The following MCTP2 variants were observed in gnomAD, a reference collection of about 807,000 sequenced individuals.
MCTP2 encodes multiple C2 and transmembrane domain-containing protein 2.
In MCTP2, 132 loss-of-function variants were observed where a neutral mutation model predicts 111.6. The ratio of observed to expected loss-of-function variants is 1.18; its 90% CI spans 1.03 to 1.37. The LOEUF (loss-of-function observed/expected upper bound fraction) is 1.37, where lower values mean the gene tolerates loss of function less well. Among genes scored for constraint, MCTP2 ranks in the 40% most tolerant of loss-of-function variants. MCTP2 has a pLI of 0.00. For missense variants in MCTP2, 1,183 were observed against 1,067.9 expected, an observed-to-expected ratio of 1.11 and a Z score of -1.50; for synonymous variants, 395 against 387.7, an observed-to-expected ratio of 1.02 and a Z score of -0.22.
intron 12 of MCTP2, among the ~76,000 whole-genome samples, chr15:94,383,606 G>A (rs1462563602): frequency 6.6e-6 from 1 of 152,204 alleles, no homozygotes; most frequent in Non-Finnish European, 1.5e-5. Flanking sequence ...AAGAGAATGA[G>A]AGCCAAGTGA....
intron 17 of MCTP2, among the ~76,000 whole-genome samples, chr15:94,411,611 C>T (rs1294359951): frequency 5.3e-5 from 8 of 152,108 alleles, no homozygotes; most frequent in Non-Finnish European, 1.0e-4. Flanking sequence ...GTACTTTTGC[C>T]ATTTGATTTA....
chr15:94,436,683 C>T (rs1434390247), intron 17 of MCTP2, among the ~76,000 whole-genome samples: 2 of 152,112 alleles, frequency 1.3e-5, no homozygotes, highest in Admixed American at 6.5e-5. Flanking sequence ...TTTTCAAAGA[C>T]ATACATAGTT....
At chr15:94,297,335 C>T (rs1365778549) in intron 1 of MCTP2, among the ~76,000 whole-genome samples, 3 of 152,206 alleles carry the variant, frequency 2.0e-5, no homozygotes, top group Non-Finnish European at 4.4e-5. Flanking sequence ...CCTTATCCCT[C>T]ATAACCAACT....
intron 20 of MCTP2, among the ~76,000 whole-genome samples, chr15:94,469,821 A>C (rs898777958): frequency 6.6e-6 from 1 of 152,050 alleles, no homozygotes; most frequent in Non-Finnish European, 1.5e-5. Flanking sequence ...GCAGTGAGCT[A>C]TGACTGCATC....
At chr15:94,403,663 C>T (rs116570985) in intron 17 of MCTP2, among the ~76,000 whole-genome samples, 2,077 of 152,242 alleles carry the variant, frequency 0.014, 54 homozygotes, top group African/African-American at 0.046. Flanking sequence ...ATAGAGGGGA[C>T]TTCTAAACAG....
chr15:94,407,216 T>C (rs1355487089), intron 17 of MCTP2, among the ~76,000 whole-genome samples: 1 of 152,222 alleles, frequency 6.6e-6, no homozygotes, highest in African/African-American at 2.4e-5. Flanking sequence ...TTTTCATATG[T>C]TAAAATATTA....
At chr15:94,466,992 T>C (rs1212442127) in intron 20 of MCTP2, among the ~76,000 whole-genome samples, 3 of 152,228 alleles carry the variant, frequency 2.0e-5, no homozygotes, top group Non-Finnish European at 4.4e-5. Context: ...TTGTGTGTTT[T>C]GTGCAATAAC....
At chr15:94,285,722 A>G (rs1311338130) in intron 1 of MCTP2, among the ~76,000 whole-genome samples, 2 of 152,126 alleles carry the variant, frequency 1.3e-5, no homozygotes, top group African/African-American at 4.8e-5. Context: ...AAACTTCTCC[A>G]AGCACACTAT....
At chr15:94,308,441 G>A (rs1000632613) in intron 2 of MCTP2, among the ~76,000 whole-genome samples, 6 of 152,300 alleles carry the variant, frequency 3.9e-5, no homozygotes, top group Admixed American at 3.3e-4. Context: ...GTGCTCTCCA[G>A]GGCCGAACTC....
At chr15:94,381,733 G>A (rs934432080) in intron 12 of MCTP2, among the ~76,000 whole-genome samples, 2 of 152,200 alleles carry the variant, frequency 1.3e-5, no homozygotes, top group African/African-American at 4.8e-5. Flanking sequence ...TGGTATACCT[G>A]AGCATTAAGC....
chr15:94,251,919 A>G (rs2152268779), intron 1 of MCTP2, among the ~76,000 whole-genome samples: 1 of 152,308 alleles, frequency 6.6e-6, no homozygotes, highest in South Asian at 2.1e-4. Flanking sequence ...TATTTCCCGT[A>G]GCATAATGTC....
At chr15:94,468,839 G>A (rs543780439) in intron 20 of MCTP2, among the ~76,000 whole-genome samples, 42 of 152,204 alleles carry the variant, frequency 2.8e-4, no homozygotes, top group African/African-American at 1.0e-3. Context: ...TGTTGACCAG[G>A]CTGGTCTTGA....
rs1429757623 is a variant in MCTP2 at position 94,421,645 on chromosome 15, ACT to A, written c.2086-18528_2086-18527del. On this transcript the variant is annotated intron_variant, in intron 17 of 22. Transcript: ENST00000357742. ...GATCGTTGAGTTCTCCTGTCACATC[ACT>A]CTGACCTTGTTTCTGCCCTCATGTC... Among the ~76,000 whole-genome samples, 6 of 151,764 alleles carry A rather than the reference ACT, an allele frequency of 4.0e-5. No individual in the cohort carries two copies. The East Asian group carries it at 7.7e-4, about 20-fold the overall frequency.
chr15:94,440,321 G>A (rs1353502059), intron 18 of MCTP2, 23 bp downstream of exon 18: 3 of 1,612,562 alleles, frequency 1.9e-6, no homozygotes, highest in Non-Finnish European at 2.5e-6. Context: ...TCGGAGTTCT[G>A]ACATTTGACT....
At chr15:94,468,141 C>T (rs1025927383) in intron 20 of MCTP2, among the ~76,000 whole-genome samples, 1 of 152,130 alleles carries the variant, frequency 6.6e-6, no homozygotes, top group Non-Finnish European at 1.5e-5. Context: ...GATTTTTCTA[C>T]TATCCAAACT....
chr15:94,245,487 CATGT>C (rs1402539493), intron 1 of MCTP2, among the ~76,000 whole-genome samples: 3 of 136,578 alleles, frequency 2.2e-5, no homozygotes, highest in South Asian at 4.5e-4. Flanking sequence ...TATATACATA[CATGT>C]ATGTATTTAT....
chr15:94,418,599 T>G (rs1395552626), intron 17 of MCTP2, among the ~76,000 whole-genome samples: 1 of 152,134 alleles, frequency 6.6e-6, no homozygotes, highest in Non-Finnish European at 1.5e-5. Flanking sequence ...TTTCATTTAG[T>G]TCAGTGCTTT....
chr15:94,240,401 C>G (rs1003791047), intron 1 of MCTP2, among the ~76,000 whole-genome samples: 8 of 152,154 alleles, frequency 5.3e-5, no homozygotes, highest in African/African-American at 1.7e-4. Context: ...TCAACCATTT[C>G]AATCACTGCA....
intron 12 of MCTP2, among the ~76,000 whole-genome samples, chr15:94,377,856 G>A (rs1004821794): frequency 4.6e-5 from 7 of 152,078 alleles, no homozygotes; most frequent in Admixed American, 2.0e-4. Flanking sequence ...AGTTGGCACC[G>A]CAGAGAAGAA....
Sources: gnomAD v4.1 joint callset for allele counts (sites outside exome capture counted in the v4.1 genomes callset) on GRCh38, gnomAD v4.1.1 for gene constraint, MANE v1.5 for transcripts, NCBI Gene and HGNC (gene_info 2026-07-23, HGNC 2026-07-21) for gene names.